Variants in BRINP3 observed in about 807,000 individuals in gnomAD.
BRINP3 encodes BMP/retinoic acid-inducible neural-specific protein 3.
BRINP3 carries 19 observed loss-of-function variants against 71.0 expected under a neutral mutation model. The observed-to-expected ratio is 0.27, with a 90% CI of 0.19 to 0.39. The LOEUF is 0.39. Among genes scored for constraint, BRINP3 ranks in the 10% least tolerant of loss-of-function variants. The pLI is 1.00. For synonymous variants in BRINP3, 380 were observed against 337.7 expected (o/e 1.13, Z -1.37); for missense variants, 959 against 940.8 (o/e 1.02, Z -0.25).
intron 6 of BRINP3, among the ~76,000 whole-genome samples, chr1:190,199,329 T>A (rs1654779721): frequency 6.6e-6 from 1 of 152,130 alleles, no homozygotes; most frequent in South Asian, 2.1e-4. Flanking sequence ...GTATAACCAT[T>A]TTATTCTCTC....
At chr1:190,350,845 T>A (rs532925804) in intron 2 of BRINP3, among the ~76,000 whole-genome samples, 19 of 149,602 alleles carry the variant, frequency 1.3e-4, no homozygotes, top group African/African-American at 4.7e-4. Flanking sequence ...TTTTTTAGAC[T>A]GTGTTTTGCT....
At chr1:190,299,125 T>C (rs1215407188) in intron 2 of BRINP3, among the ~76,000 whole-genome samples, 2 of 152,150 alleles carry the variant, frequency 1.3e-5, no homozygotes, top group African/African-American at 4.8e-5. Flanking sequence ...ACTACTTCTT[T>C]TTCTGAAATT....
chr1:190,345,441 C>T (rs1667953815), intron 2 of BRINP3, among the ~76,000 whole-genome samples: 1 of 151,706 alleles, frequency 6.6e-6, no homozygotes, highest in Non-Finnish European at 1.5e-5. Context: ...TCTGCTTCCT[C>T]TCTTCCTTCT....
At chr1:190,364,811 A>T in intron 2 of BRINP3, among the ~76,000 whole-genome samples, 1 of 152,122 alleles carries the variant, frequency 6.6e-6, no homozygotes, top group East Asian at 1.9e-4. Context: ...TAAAAACTGG[A>T]ATTGGACTAC....
intron 2 of BRINP3, among the ~76,000 whole-genome samples, chr1:190,425,692 C>T (rs1025748194): frequency 2.0e-5 from 3 of 151,768 alleles, no homozygotes; most frequent in African/African-American, 7.2e-5. Flanking sequence ...TGAAAAGAGG[C>T]TTAGCCACGT....
At chr1:190,204,163 C>T (rs909551923) in intron 6 of BRINP3, among the ~76,000 whole-genome samples, 1 of 151,728 alleles carries the variant, frequency 6.6e-6, no homozygotes, top group Non-Finnish European at 1.5e-5. Flanking sequence ...ATGAAAGAGA[C>T]CTTATCAAGA....
intron 2 of BRINP3, among the ~76,000 whole-genome samples, chr1:190,338,869 T>C (rs1006400367): frequency 6.6e-6 from 1 of 151,864 alleles, no homozygotes; most frequent in Non-Finnish European, 1.5e-5. Context: ...ACTAAAAACA[T>C]AGTTATCAAT....
chr1:190,269,361 G>A (rs1661915694), intron 3 of BRINP3, among the ~76,000 whole-genome samples: 1 of 151,926 alleles, frequency 6.6e-6, no homozygotes, highest in African/African-American at 2.4e-5. Flanking sequence ...AAAATACAAA[G>A]GAAGGAAATA....
intron 2 of BRINP3, among the ~76,000 whole-genome samples, chr1:190,416,078 A>G (rs1401855216): frequency 1.3e-5 from 2 of 152,164 alleles, no homozygotes; most frequent in East Asian, 3.8e-4. Context: ...TTAAGTTGAC[A>G]TATGGCACAC....
intron 1 of BRINP3, among the ~76,000 whole-genome samples, chr1:190,467,187 C>A (rs1015245639): frequency 1.1e-4 from 17 of 151,424 alleles, no homozygotes; most frequent in Admixed American, 1.1e-3. Flanking sequence ...GACATGTGTG[C>A]AAATAAAATG....
At chr1:190,428,441 A>T (rs1004751593) in intron 2 of BRINP3, among the ~76,000 whole-genome samples, 1 of 151,586 alleles carries the variant, frequency 6.6e-6, no homozygotes, top group Admixed American at 6.6e-5. Flanking sequence ...CCCCAAAAAA[A>T]CTCGTATTTT....
At chr1:190,296,924 A>G (rs1015691923) in intron 2 of BRINP3, among the ~76,000 whole-genome samples, 1 of 152,086 alleles carries the variant, frequency 6.6e-6, no homozygotes, top group African/African-American at 2.4e-5. Context: ...AAAATGAAAA[A>G]TTATCCAATG....
chr1:190,214,822 A>C (rs1280349086), intron 6 of BRINP3, among the ~76,000 whole-genome samples: 1 of 151,970 alleles, frequency 6.6e-6, no homozygotes, highest in Non-Finnish European at 1.5e-5. Context: ...TTACTACTGC[A>C]GGATTACCTA....
chr1:190,472,319 T>C (rs1325431799), intron 1 of BRINP3, among the ~76,000 whole-genome samples: 1 of 151,586 alleles, frequency 6.6e-6, no homozygotes, highest in Non-Finnish European at 1.5e-5. Flanking sequence ...GTACAAGCAC[T>C]CTACTTTTCC....
chr1:190,177,150 CTTTTTTTTTTTTTTTTT>C (rs1030190199), intron 6 of BRINP3, among the ~76,000 whole-genome samples: 1 of 63,216 alleles, frequency 1.6e-5, no homozygotes, highest in African/African-American at 7.3e-5. Flanking sequence ...GCACCCACTT[CTTTTTTTTTTTTTTTTT>C]TTTTTTTTTT....
chr1:190,383,779 T>G (rs1670703044), intron 2 of BRINP3, among the ~76,000 whole-genome samples: 1 of 151,980 alleles, frequency 6.6e-6, no homozygotes, highest in Non-Finnish European at 1.5e-5. Flanking sequence ...CACTTCTGAA[T>G]TTATAAACAT....
chr1:190,269,656 C>A (rs1350673356), intron 3 of BRINP3, among the ~76,000 whole-genome samples: 1 of 151,956 alleles, frequency 6.6e-6, no homozygotes, highest in Non-Finnish European at 1.5e-5. Flanking sequence ...AAAATATATT[C>A]AATCTAAGTC....
At chr1:190,339,682 A>G (rs2103106629) in intron 2 of BRINP3, among the ~76,000 whole-genome samples, 1 of 151,984 alleles carries the variant, frequency 6.6e-6, no homozygotes, top group Non-Finnish European at 1.5e-5. Context: ...CGCCTCCCGT[A>G]CTATTTAAAA....
In BRINP3 at chr1:190,098,646, C is replaced by T; in HGVS notation, c.1673G>A (p.Cys558Tyr). Residue 558 changes from cysteine (C) to tyrosine (Y), a missense_variant, in exon 8 of 8, where the codon TGC becomes TAC. Coordinates refer to ENST00000367462, the MANE Select transcript of BRINP3 (RefSeq NM_199051.3). ...CTCCAAGGTGCTGTTTTTAGTTAAG[C>T]AAATCTGTAAAGAGAGACCCAAAAT... ...HMILGLSLQICLTKNSTLEPV... is the reference protein window; with the variant it reads ...HMILGLSLQIYLTKNSTLEPV... 6.2e-7 allele frequency: 1 copy of T among 1,614,096 alleles called. No homozygotes were observed. The highest frequency in any genetic ancestry group is 8.5e-7 in the Non-Finnish European group (1 of 1,180,026).
Sources: allele counts gnomAD v4.1 joint callset (sites outside exome capture counted in the v4.1 genomes callset), GRCh38; gene constraint gnomAD v4.1.1; transcripts MANE v1.5; gene names NCBI Gene and HGNC (gene_info 2026-07-23, HGNC 2026-07-21).